Variants in BTG4 observed in about 807,000 individuals in gnomAD.
The protein encoded by BTG4 is BTG anti-proliferation factor 4, also known as protein BTG4.
A neutral mutation model predicts 19.3 loss-of-function variants in BTG4; 10 were observed. The ratio of observed to expected loss-of-function variants is 0.52; its 90% CI spans 0.32 to 0.88. BTG4 has a LOEUF of 0.88. Ranked by LOEUF, BTG4 falls within the 40% of genes least tolerant of loss-of-function variation. BTG4 has a pLI of 0.04. For synonymous variants in BTG4, 91 were observed against 95.7 expected (o/e 0.95, Z 0.29); for missense variants, 238 against 281.9 (o/e 0.84, Z 1.11).
the BTG4 span, among the ~76,000 whole-genome samples, chr11:111,402,820 T>C: frequency 2.6e-5 from 4 of 152,140 alleles, no homozygotes; most frequent in African/African-American, 9.7e-5. Context: ...ATCCACATTC[T>C]GCACAAAGGT....
chr11:111,464,996 G>C (rs1257340820), downstream of BTG4, among the ~76,000 whole-genome samples: 1 of 152,056 alleles, frequency 6.6e-6, no homozygotes, highest in Non-Finnish European at 1.5e-5. Flanking sequence ...AGGAGCTAAT[G>C]TAAAGGTGTG....
In BTG4 at chr11:111,497,267, A is replaced by C; in HGVS notation, c.454T>G (p.Cys152Gly). The C allele has an allele frequency of 1.9e-6, 3 of 1,613,018 alleles. No homozygotes were observed. Among genetic ancestry groups the C allele is most frequent in the Non-Finnish European group, 2.5e-6 (3 of 1,179,546 alleles). Residue 152 changes from cysteine (C) to glycine (G), a missense_variant, in exon 4 of 5, where the codon TGT (cysteine) becomes GGT (glycine). Cys to Gly is a radical substitution (Grantham distance 159). Transcript: ENST00000692032. ...SSGTSCDEES[C>G]SKEPRVIPKV... ...GGAATGACACGAGGTTCCTTGCTAC[A>C]ACTTTCTTCATCGCAGGAAGTGCCA...
intron 5 of BTG4, chr11:111,473,321 T>C (rs545011742): frequency 6.9e-4 from 105 of 152,668 alleles, no homozygotes; most frequent in African/African-American, 2.4e-3. Flanking sequence ...AAAACAAAGA[T>C]CTTCTGCTCT....
chr11:111,494,597 T>C (rs540935525), downstream of BTG4, among the ~76,000 whole-genome samples: 1 of 152,210 alleles, frequency 6.6e-6, no homozygotes, highest in South Asian at 2.1e-4. Context: ...AGTCATCAAC[T>C]TTCCCTCTAG....
intron 5 of BTG4, among the ~76,000 whole-genome samples, chr11:111,486,890 T>C (rs1407584819): frequency 6.6e-6 from 1 of 152,162 alleles, no homozygotes; most frequent in Admixed American, 6.5e-5. Context: ...ACATGTGCCA[T>C]GGTGGTTTGC....
the BTG4 span, among the ~76,000 whole-genome samples, chr11:111,413,637 C>A: frequency 6.6e-6 from 1 of 152,236 alleles, no homozygotes; most frequent in Non-Finnish European, 1.5e-5. Context: ...CCATTCAATT[C>A]ATTTCTATTG....
chr11:111,513,436 A>G (rs971908834), upstream of BTG4: 6 of 534,308 alleles, frequency 1.1e-5, no homozygotes, highest in African/African-American at 3.9e-5. Flanking sequence ...AATTTTTTCT[A>G]TGAGTCTAGT....
chr11:111,410,690 T>A, the BTG4 span, among the ~76,000 whole-genome samples: 1 of 152,154 alleles, frequency 6.6e-6, no homozygotes, highest in Non-Finnish European at 1.5e-5. Context: ...TTAAAGTCCA[T>A]CCTACTTTAA....
the BTG4 span, among the ~76,000 whole-genome samples, chr11:111,440,219 CAG>C: frequency 6.6e-6 from 1 of 152,162 alleles, no homozygotes; most frequent in Non-Finnish European, 1.5e-5. Flanking sequence ...TCAAGGCTCC[CAG>C]AGAGAGTGTC....
In BTG4 at chr11:111,494,821, A is replaced by G. The variant is rs551886591; in HGVS notation, c.*314T>C. On this transcript the variant is annotated 3_prime_UTR_variant, in exon 5 of 5. Transcript: ENST00000692032. Reference sequence around the variant, plus strand: ...AACAAACTGAACTAAGAAGTATTAAAAACACTGTACGTTTATTTAAACCAT... The same window carrying G: ...AACAAACTGAACTAAGAAGTATTAAGAACACTGTACGTTTATTTAAACCAT... 2.2e-6 allele frequency: 2 copies of G among 924,124 alleles called. No individual in the cohort carries two copies. Among genetic ancestry groups the G allele is most frequent in the Admixed American group, 1.2e-4 (2 of 16,206 alleles). 57.2% of individuals were successfully genotyped at this position (924,124 alleles called of 1,614,324 possible).
At chr11:111,440,133 G>A in the BTG4 span, among the ~76,000 whole-genome samples, 51 of 152,268 alleles carry the variant, frequency 3.3e-4, 3 homozygotes, top group East Asian at 9.8e-3. Context: ...GTGACTTAGT[G>A]AGTATGGCTA....
the BTG4 span, chr11:111,455,448 G>C: frequency 4.2e-6 from 1 of 238,042 alleles, no homozygotes; most frequent in Non-Finnish European, 8.7e-6. Flanking sequence ...CCTGGCAGGC[G>C]AGTACGCAGC....
the BTG4 span, among the ~76,000 whole-genome samples, chr11:111,401,675 C>T: frequency 0.24 from 36,346 of 152,096 alleles, 4,555 homozygotes; most frequent in East Asian, 0.29. Flanking sequence ...TATAGCATGA[C>T]TCTTTGGATG....
At chr11:111,482,962 A>G (rs1237145146) in intron 5 of BTG4, among the ~76,000 whole-genome samples, 1 of 152,156 alleles carries the variant, frequency 6.6e-6, no homozygotes, top group Non-Finnish European at 1.5e-5. Flanking sequence ...TGATCTGTGA[A>G]AGACGTCATT....
chr11:111,427,362 TA>T, the BTG4 span, among the ~76,000 whole-genome samples: 1 of 152,140 alleles, frequency 6.6e-6, no homozygotes, highest in African/African-American at 2.4e-5. Context: ...CGGTCAAGAA[TA>T]ATCATGGCCG....
At chr11:111,496,890 C>CGG in intron 4 of BTG4, 1 of 127,462 alleles carries the variant, frequency 7.8e-6, no homozygotes. Flanking sequence ...TTTCAATTGA[C>CGG]AGAAAAAAAA....
chr11:111,424,105 G>A, the BTG4 span, among the ~76,000 whole-genome samples: 7 of 152,266 alleles, frequency 4.6e-5, no homozygotes, highest in East Asian at 1.9e-4. Flanking sequence ...CCTGCCCATC[G>A]CAAGAAACAT....
chr11:111,490,242 C>T (rs1865332822), downstream of BTG4, among the ~76,000 whole-genome samples: 1 of 151,696 alleles, frequency 6.6e-6, no homozygotes, highest in South Asian at 2.1e-4. Flanking sequence ...CATTGCACTC[C>T]AGCCTGGGCA....
chr11:111,398,640 G>C, the BTG4 span, among the ~76,000 whole-genome samples: 90 of 152,176 alleles, frequency 5.9e-4, no homozygotes, highest in African/African-American at 2.1e-3. Flanking sequence ...ATTTTCAGTA[G>C]AGACGGGGTG....
Sources: allele counts gnomAD v4.1 joint callset (sites outside exome capture counted in the v4.1 genomes callset), GRCh38; gene constraint gnomAD v4.1.1; transcripts MANE v1.5; gene names NCBI Gene and HGNC (gene_info 2026-07-23, HGNC 2026-07-21).